MEG3: variants seen among roughly 807,000 people sequenced by gnomAD.
MEG3 encodes maternally expressed 3, also known as Very putative protein from MEG3 locus.
chr14:100,852,037 G>A (rs531680852), intron 3 of MEG3: 4 of 267,710 alleles, frequency 1.5e-5, no homozygotes, highest in East Asian at 1.1e-4. Context: ...AGCAGTAGGA[G>A]CACAGCTTGG....
chr14:100,832,826 A>G (rs2037436033), downstream of MEG3: 1 of 152,328 alleles, frequency 6.6e-6, no homozygotes, highest in African/African-American at 2.4e-5. Context: ...ACAGGGTTGC[A>G]TTGTAGAAAG....
chr14:100,857,852 G>C (rs1003958138), exon 1 of MEG3: 11 of 152,348 alleles, frequency 7.2e-5, no homozygotes, highest in African/African-American at 2.6e-4. Flanking sequence ...CTAGAGAGAG[G>C]ATGAGGAAGG....
intron 3 of MEG3, chr14:100,852,172 C>T (rs568880429): frequency 3.5e-5 from 13 of 367,760 alleles, no homozygotes; most frequent in East Asian, 7.6e-5. Flanking sequence ...ATGGGGAGTG[C>T]GGGCGCAGGC....
At chr14:100,841,905 C>G (rs1285381807) in intron 2 of MEG3, among the ~76,000 whole-genome samples, 2 of 152,304 alleles carry the variant, frequency 1.3e-5, no homozygotes, top group South Asian at 4.1e-4. Flanking sequence ...GGTCCTGAGA[C>G]CCTCGCCAGC....
At chr14:100,854,385 C>T (rs932239507), upstream of MEG3, 4 of 152,190 alleles carry the variant, frequency 2.6e-5, no homozygotes, top group African/African-American at 9.7e-5. Flanking sequence ...GAGCCCATAG[C>T]TCACTGGAGG....
intron 1 of MEG3, chr14:100,860,564 G>C (rs2038375106): frequency 4.6e-6 from 2 of 437,862 alleles, no homozygotes; most frequent in Non-Finnish European, 9.2e-6. Context: ...CATGCTGCTA[G>C]GAGCCCGTGA....
chr14:100,833,847 A>C (rs950071931), downstream of MEG3: 6 of 152,236 alleles, frequency 3.9e-5, no homozygotes, highest in African/African-American at 1.4e-4. Flanking sequence ...TAGTTGGAGC[A>C]AGAAAATGTT....
exon 1 of MEG3, chr14:100,834,906 C>T (rs376454195): frequency 6.8e-5 from 29 of 427,646 alleles, no homozygotes; most frequent in East Asian, 5.7e-4. Context: ...CCTTGCTGGT[C>T]GCGTCCCTGC....
intron 1 of MEG3, chr14:100,826,229 G>C (rs1305360083): frequency 2.6e-5 from 4 of 152,166 alleles, no homozygotes; most frequent in African/African-American, 4.8e-5. Context: ...TGAGTGGTTG[G>C]CCATCCTTGC....
chr14:100,852,837 G>A (rs555390963), upstream of MEG3: 3 of 181,070 alleles, frequency 1.7e-5, no homozygotes, highest in East Asian at 4.8e-4. Flanking sequence ...GTCCTGACGG[G>A]TCACAGTGGG....
intron 2 of MEG3, among the ~76,000 whole-genome samples, chr14:100,836,536 C>T (rs926590885): frequency 7.9e-5 from 12 of 152,026 alleles, no homozygotes; most frequent in African/African-American, 1.9e-4. Flanking sequence ...TGCTGTGGGC[C>T]GGCGACGGTA....
At chr14:100,852,170 T>TGCGG (rs2038100540) in intron 3 of MEG3, 1 of 363,540 alleles carries the variant, frequency 2.8e-6, no homozygotes, top group African/African-American at 2.1e-5. Context: ...GGATGGGGAG[T>TGCGG]GCGGGCGCAG....
upstream of MEG3, chr14:100,852,263 T>C (rs560376158): frequency 9.3e-5 from 47 of 502,744 alleles, no homozygotes; most frequent in Non-Finnish European, 1.8e-4. Flanking sequence ...ATCAAAGCTA[T>C]GGGGTTATAG....
At chr14:100,828,183 G>A (rs1319341546) in intron 1 of MEG3, among the ~76,000 whole-genome samples, 1 of 152,034 alleles carries the variant, frequency 6.6e-6, no homozygotes, top group African/African-American at 2.4e-5. Context: ...GCGCGGGCCG[G>A]GGCGCCGCAG....
exon 1 of MEG3, chr14:100,859,659 G>C (rs1238510212): frequency 6.6e-6 from 1 of 152,162 alleles, no homozygotes; most frequent in East Asian, 1.9e-4. Context: ...AAAACCGGGG[G>C]TGGAGGGGTG....
chr14:100,856,920 A>G (rs1326548283), upstream of MEG3: 3 of 151,994 alleles, frequency 2.0e-5, no homozygotes, highest in Admixed American at 1.3e-4. Flanking sequence ...AAGATACTGC[A>G]TTGTTGCCTC....
chr14:100,839,923 G>C (rs1219707417), intron 2 of MEG3, among the ~76,000 whole-genome samples: 1 of 149,210 alleles, frequency 6.7e-6, no homozygotes, highest in Non-Finnish European at 1.5e-5. Context: ...CCAGGGCCTG[G>C]GCCCTGATCC....
exon 1 of MEG3, chr14:100,835,668 C>G (rs188342847): frequency 6.2e-6 from 1 of 160,480 alleles, no homozygotes; most frequent in African/African-American, 2.4e-5. Context: ...GGTCACCTGG[C>G]CCTCCTGTGG....
chr14:100,834,645 C>A, exon 1 of MEG3: 1 of 455,736 alleles, frequency 2.2e-6, no homozygotes. Flanking sequence ...CTGACCTGGC[C>A]ATCCCGGGGT....
Sources: gnomAD v4.1 joint callset for allele counts (sites outside exome capture counted in the v4.1 genomes callset) on GRCh38, gnomAD v4.1.1 for gene constraint, MANE v1.5 for transcripts, NCBI Gene and HGNC (gene_info 2026-07-23, HGNC 2026-07-21) for gene names.